Variants in THSD4 observed in about 807,000 individuals in gnomAD.
The protein encoded by THSD4 is thrombospondin type 1 domain containing 4.
In THSD4, 69 loss-of-function variants were observed where a neutral mutation model predicts 119.0. The observed-to-expected ratio is 0.58, with a 90% CI of 0.48 to 0.71. The LOEUF is 0.71. THSD4 is among the 30% of genes least tolerant of loss of function. The pLI is 0.00. For synonymous variants in THSD4, 524 were observed against 540.4 expected, an observed-to-expected ratio of 0.97 and a Z score of 0.42; for missense variants, 1,393 against 1,391.1, an observed-to-expected ratio of 1.00 and a Z score of -0.02.
chr15:71,316,507 T>C (rs1298539293), intron 6 of THSD4, among the ~76,000 whole-genome samples: 1 of 152,080 alleles, frequency 6.6e-6, no homozygotes, highest in African/African-American at 2.4e-5. Context: ...GGGTGAGTGA[T>C]ACAAAATTGT....
chr15:71,603,072 G>A (rs1019337745), intron 7 of THSD4, among the ~76,000 whole-genome samples: 2 of 152,160 alleles, frequency 1.3e-5, no homozygotes, highest in African/African-American at 2.4e-5. Flanking sequence ...CGGTGAGGTT[G>A]GCTACAAACT....
At chr15:71,264,507 G>A (rs2044442054) in intron 6 of THSD4, among the ~76,000 whole-genome samples, 1 of 152,202 alleles carries the variant, frequency 6.6e-6, no homozygotes, top group Non-Finnish European at 1.5e-5. Flanking sequence ...AAAACAAAAT[G>A]ATGATTTTGG....
intron 7 of THSD4, among the ~76,000 whole-genome samples, chr15:71,521,488 G>T (rs534643268): frequency 6.6e-6 from 1 of 152,244 alleles, no homozygotes; most frequent in East Asian, 1.9e-4. Context: ...TCGGATCTCA[G>T]TTTTCTTAGG....
At chr15:71,158,387 A>G (rs2043221044) in intron 3 of THSD4, among the ~76,000 whole-genome samples, 1 of 152,030 alleles carries the variant, frequency 6.6e-6, no homozygotes, top group African/African-American at 2.4e-5. Flanking sequence ...TCCCGACCTC[A>G]GGTGATCTGC....
At chr15:71,326,957 C>T (rs915217619) in intron 6 of THSD4, among the ~76,000 whole-genome samples, 2 of 151,172 alleles carry the variant, frequency 1.3e-5, no homozygotes, top group Admixed American at 6.6e-5. Flanking sequence ...CACCTGAGGC[C>T]GGGAGTTCAA....
At chr15:71,191,457 G>A (rs1031381650) in intron 3 of THSD4, among the ~76,000 whole-genome samples, 2 of 152,152 alleles carry the variant, frequency 1.3e-5, no homozygotes, top group East Asian at 1.9e-4. Context: ...TTGGCCATTC[G>A]TGCCTTTGCC....
intron 7 of THSD4, among the ~76,000 whole-genome samples, chr15:71,541,409 A>C (rs1447436938): frequency 6.6e-6 from 1 of 152,182 alleles, no homozygotes; most frequent in Non-Finnish European, 1.5e-5. Context: ...TATAATAATA[A>C]ATTTTCCTCG....
intron 4 of THSD4, among the ~76,000 whole-genome samples, chr15:71,221,114 C>G (rs2043972219): frequency 6.6e-6 from 1 of 152,118 alleles, no homozygotes; most frequent in African/African-American, 2.4e-5. Context: ...CGCATTGTAG[C>G]AACTCACACT....
intron 7 of THSD4, among the ~76,000 whole-genome samples, chr15:71,552,923 C>T (rs994732371): frequency 9.2e-5 from 14 of 152,128 alleles, no homozygotes; most frequent in South Asian, 2.1e-4. Flanking sequence ...CATGAGCCAC[C>T]GCACCAGCCT....
chr15:71,512,775 T>C (rs531162824), intron 7 of THSD4, among the ~76,000 whole-genome samples: 4 of 152,128 alleles, frequency 2.6e-5, no homozygotes, highest in Non-Finnish European at 5.9e-5. Context: ...GTATCCAGTA[T>C]CCCAGCAGGA....
chr15:71,446,044 G>A (rs961269504), intron 7 of THSD4, among the ~76,000 whole-genome samples: 11 of 152,278 alleles, frequency 7.2e-5, no homozygotes, highest in African/African-American at 1.7e-4. Context: ...TCTCCCAAAA[G>A]AAAATAACTT....
chr15:71,545,420 A>C (rs2048822490), intron 7 of THSD4, among the ~76,000 whole-genome samples: 1 of 152,214 alleles, frequency 6.6e-6, no homozygotes, highest in African/African-American at 2.4e-5. Context: ...TTATTGGAAC[A>C]CAGCTACACC....
At chr15:71,553,169 A>G (rs1486510259) in intron 7 of THSD4, among the ~76,000 whole-genome samples, 2 of 152,258 alleles carry the variant, frequency 1.3e-5, no homozygotes, top group East Asian at 1.9e-4. Flanking sequence ...GCATATGTGT[A>G]TGTGTATGCC....
intron 8 of THSD4, among the ~76,000 whole-genome samples, chr15:71,688,667 T>G (rs1353388000): frequency 6.7e-6 from 1 of 150,346 alleles, no homozygotes; most frequent in Non-Finnish European, 1.5e-5. Flanking sequence ...GTTTTGTTTT[T>G]TTCTTTTTTG....
chr15:71,341,492 T>C (rs1341978614), intron 6 of THSD4: 1 of 1,613,298 alleles, frequency 6.2e-7, no homozygotes, highest in Admixed American at 1.7e-5. Flanking sequence ...GCCCCACTGC[T>C]TGGCCTGCGC....
At chr15:71,691,889 G>T (rs1170130289) in intron 8 of THSD4, among the ~76,000 whole-genome samples, 1 of 152,162 alleles carries the variant, frequency 6.6e-6, no homozygotes, top group Non-Finnish European at 1.5e-5. Context: ...ATCCCCAGGG[G>T]AATGAGAATG....
chr15:71,181,363 T>C (rs2141423090), intron 3 of THSD4, among the ~76,000 whole-genome samples: 1 of 152,364 alleles, frequency 6.6e-6, no homozygotes, highest in Middle Eastern at 3.4e-3. Context: ...AAATCTAATT[T>C]GCTTCTATTA....
chr15:71,665,915 A>G (rs1162034593), intron 8 of THSD4, among the ~76,000 whole-genome samples: 1 of 152,188 alleles, frequency 6.6e-6, no homozygotes, highest in Non-Finnish European at 1.5e-5. Context: ...GCCCTGTAGT[A>G]TAGTTTAAAG....
At chr15:71,559,565 CTT>C (rs56166658) in intron 7 of THSD4, among the ~76,000 whole-genome samples, 252 of 145,914 alleles carry the variant, frequency 1.7e-3, no homozygotes, top group Non-Finnish European at 3.1e-3. Flanking sequence ...TCTTTTCCTC[CTT>C]TTTTTTTTTG....
Sources: gnomAD v4.1 joint callset for allele counts (sites outside exome capture counted in the v4.1 genomes callset) on GRCh38, gnomAD v4.1.1 for gene constraint, MANE v1.5 for transcripts, NCBI Gene and HGNC (gene_info 2026-07-23, HGNC 2026-07-21) for gene names.